The following RAPGEF2 variants were observed in gnomAD, a reference collection of about 807,000 sequenced individuals.
RAPGEF2 encodes the protein Rap guanine nucleotide exchange factor 2.
RAPGEF2 carries 54 observed loss-of-function variants against 186.7 expected under a neutral mutation model. The ratio of observed to expected loss-of-function variants is 0.29; its 90% confidence interval spans 0.23 to 0.36. The LOEUF is 0.36. Ranked by LOEUF, RAPGEF2 falls within the 10% of genes least tolerant of loss-of-function variation. The pLI is 1.00. For missense variants in RAPGEF2, 1,532 were observed against 2,045.0 expected (o/e 0.75, Z 4.84); for synonymous variants, 712 against 705.9 (o/e 1.01, Z -0.14).
chr4:159,199,904 C>G (rs1749225497), intron 3 of RAPGEF2, among the ~76,000 whole-genome samples: 1 of 152,118 alleles, frequency 6.6e-6, no homozygotes, highest in Non-Finnish European at 1.5e-5. Context: ...CTAAAAGAGA[C>G]ATTTGTAAAT....
At chr4:159,148,628 GT>G (rs200954641) in intron 1 of RAPGEF2, among the ~76,000 whole-genome samples, 1,581 of 151,742 alleles carry the variant, frequency 0.01, 31 homozygotes, top group African/African-American at 0.036. Flanking sequence ...TTTTCACTGT[GT>G]TTTTTTTCAT....
At chr4:159,181,522 A>G (rs929351896) in intron 1 of RAPGEF2, among the ~76,000 whole-genome samples, 3 of 151,768 alleles carry the variant, frequency 2.0e-5, no homozygotes, top group Non-Finnish European at 4.4e-5. Flanking sequence ...GTAAGACTTT[A>G]ATATTAGCCT....
chr4:159,268,506 C>G (rs1757711041), intron 7 of RAPGEF2, among the ~76,000 whole-genome samples: 1 of 152,092 alleles, frequency 6.6e-6, no homozygotes, highest in Non-Finnish European at 1.5e-5. Flanking sequence ...TCAGCTTCGA[C>G]TTAGTACTTG....
intron 2 of RAPGEF2, among the ~76,000 whole-genome samples, chr4:159,191,203 GA>G (rs34566825): frequency 0.33 from 49,155 of 148,902 alleles, 8,237 homozygotes; most frequent in Non-Finnish European, 0.37. Flanking sequence ...AAAAGAGACA[GA>G]AAAAAAAAAT....
At chr4:159,319,125 A>G (rs1486806643) in intron 9 of RAPGEF2, among the ~76,000 whole-genome samples, 2 of 152,058 alleles carry the variant, frequency 1.3e-5, no homozygotes, top group East Asian at 1.9e-4. Flanking sequence ...TATGATACCT[A>G]TGGCATTGTC....
intron 1 of RAPGEF2, among the ~76,000 whole-genome samples, chr4:159,104,711 T>G (rs1034198452): frequency 6.6e-6 from 1 of 152,132 alleles, no homozygotes; most frequent in African/African-American, 2.4e-5. Context: ...TTCCTCCCCT[T>G]GCAAGTGACC....
At chr4:159,173,340 A>G (rs1209083811) in intron 1 of RAPGEF2, among the ~76,000 whole-genome samples, 1 of 152,164 alleles carries the variant, frequency 6.6e-6, no homozygotes, top group African/African-American at 2.4e-5. Context: ...TCTAAACTCT[A>G]CCGTGGTAGG....
chr4:159,358,787 C>G lies in RAPGEF2; in HGVS notation c.*648C>G, dbSNP rs1732405078. On this transcript the variant is annotated 3_prime_UTR_variant, in exon 30 of 30. Coordinates refer to ENST00000691494, the MANE Select transcript of RAPGEF2 (RefSeq NM_001394067.2). ...GTTGCCAGCCTGGTTTCTGAAAAAC[C>G]AAATATGCCGGACAGGGTGTGGCCA... 6.6e-6 allele frequency: 1 copy of G among 152,084 alleles called. No homozygotes were observed. Among genetic ancestry groups the G allele is most frequent in the African/African-American group, 2.4e-5 (1 of 41,398 alleles). The allele number at this position is 152,084 out of a possible 1,614,324, so 9.4% of individuals were successfully genotyped here. A position where few individuals can be genotyped will look rare whatever the true frequency, so the allele number is the denominator to read the frequency against.
chr4:159,287,937 GTATTTGCATAATGCTTTATAT>G (rs1579775878), intron 7 of RAPGEF2, among the ~76,000 whole-genome samples: 1 of 152,206 alleles, frequency 6.6e-6, no homozygotes, highest in East Asian at 1.9e-4. Flanking sequence ...ACAAAAACTT[GTATTTGCATAATGCTTTATAT>G]TACCAGAATT....
intron 19 of RAPGEF2, among the ~76,000 whole-genome samples, 185 bp downstream of exon 19, chr4:159,339,539 G>T (rs766866723): frequency 6.6e-6 from 1 of 151,508 alleles, no homozygotes; most frequent in Non-Finnish European, 1.5e-5. Context: ...GCACACAGTC[G>T]ACTACTGACC....
chr4:159,330,271 G>GTGTGTGTGTGTGTGTGTC, intron 12 of RAPGEF2, 63 bp from the exon 13 acceptor site: 1 of 745,472 alleles, frequency 1.3e-6, no homozygotes, highest in Non-Finnish European at 2.2e-6. Context: ...GTATATGTGT[G>GTGTGTGTGTGTGTGTGTC]TGTGTGTGTG....
At chr4:159,110,251 A>G (rs1236404924) in intron 1 of RAPGEF2, among the ~76,000 whole-genome samples, 1 of 152,164 alleles carries the variant, frequency 6.6e-6, no homozygotes, top group Non-Finnish European at 1.5e-5. Flanking sequence ...CTTCTACTAC[A>G]TGTACATTCT....
intron 1 of RAPGEF2, among the ~76,000 whole-genome samples, chr4:159,129,679 C>T (rs889820591): frequency 5.9e-5 from 9 of 152,126 alleles, no homozygotes; most frequent in African/African-American, 2.2e-4. Flanking sequence ...GTGTAAATGT[C>T]TATGTTGTTG....
intron 7 of RAPGEF2, among the ~76,000 whole-genome samples, chr4:159,294,671 C>CTTCT (rs952672091): frequency 6.8e-6 from 1 of 146,366 alleles, no homozygotes; most frequent in African/African-American, 2.7e-5. Context: ...TCCTTCCTTC[C>CTTCT]TTCCTTCCTT....
Position 159,359,728 on chromosome 4 carries a change from C to T in RAPGEF2, c.*1589C>T, listed in dbSNP as rs1026995461. 6.6e-6 allele frequency: 1 copy of T among 152,096 alleles called. No individual in the cohort carries two copies. The highest frequency in any genetic ancestry group is 2.1e-4 in the South Asian group (1 of 4,834). 9.4% of individuals were successfully genotyped at this position (152,096 alleles called of 1,614,324 possible). On this transcript the variant is annotated 3_prime_UTR_variant, in exon 30 of 30. Transcript: ENST00000691494. ...CTGTATCATGGCATTTGTCTACTTG[C>T]TTATTACATTGTCAATTATGCATTT...
At position 159,341,918 on chromosome 4, in the gene RAPGEF2, G is replaced by A. The variant is rs368849148; in HGVS notation, c.2889G>A (p.Lys963=). Reference sequence around the variant, plus strand: ...TAGCACTGCACTGTAGGGAATGCAAGAATTTTAACTCAATGTTTGCAATCA... The same window carrying A: ...TAGCACTGCACTGTAGGGAATGCAAAAATTTTAACTCAATGTTTGCAATCA... ...IKIALHCREC[K]NFNSMFAIIS... The change falls in exon 20 of 30, where the codon AAG becomes AAA. Residue 963 remains lysine, a synonymous_variant. Transcript: ENST00000691494. 6.8e-5 allele frequency: 108 copies of A among 1,597,564 alleles called. No homozygotes were observed. The highest frequency in any genetic ancestry group is 8.6e-5 in the Non-Finnish European group (101 of 1,173,768).
chr4:159,339,259 A>T lies in RAPGEF2; in HGVS notation c.2439A>T (p.Leu813=). Reference sequence around the variant, plus strand: ...CTGCCACCCCGGATCAATATTCACTATGTGAGGTCTCTGTCACACCTGAGG... The same window carrying T: ...CTGCCACCCCGGATCAATATTCACTTTGTGAGGTCTCTGTCACACCTGAGG... The part of the protein sequence containing the change: ...AVTATPDQYS[L]CEVSVTPEGV... The change falls in exon 19 of 30, where the codon CTA becomes CTT. Residue 813 remains leucine, a synonymous_variant. Coordinates refer to ENST00000691494, the MANE Select transcript of RAPGEF2 (RefSeq NM_001394067.2). 2 of 1,614,144 alleles carry T rather than the reference A, an allele frequency of 1.2e-6. No individual in the cohort carries two copies. Among genetic ancestry groups the T allele is most frequent in the Non-Finnish European group, 1.7e-6 (2 of 1,180,002 alleles).
chr4:159,111,816 A>G (rs1738529081), intron 1 of RAPGEF2, among the ~76,000 whole-genome samples: 1 of 152,222 alleles, frequency 6.6e-6, no homozygotes, highest in Admixed American at 6.5e-5. Context: ...AATTGTAGGA[A>G]ATAATGGGGA....
At chr4:159,348,242 A>AGATAGATAGATAGATGGATG (rs544061786) in intron 25 of RAPGEF2, among the ~76,000 whole-genome samples, 16 of 145,068 alleles carry the variant, frequency 1.1e-4, no homozygotes, top group African/African-American at 3.9e-4. Context: ...ATAGATAGAT[A>AGATAGATAGATAGATGGATG]GATGGATGGA....
Sources: gnomAD v4.1 joint callset for allele counts (sites outside exome capture counted in the v4.1 genomes callset) on GRCh38, gnomAD v4.1.1 for gene constraint, MANE v1.5 for transcripts, NCBI Gene and HGNC (gene_info 2026-07-23, HGNC 2026-07-21) for gene names.